S100A13: variants seen among roughly 807,000 people sequenced by gnomAD.
The protein encoded by S100A13 is S100 calcium binding protein A13.
Under a neutral mutation model 8.2 loss-of-function variants are expected in S100A13, and 6 were observed. That is an observed-to-expected ratio of 0.73 (90% CI 0.40 to 1.44). The LOEUF (loss-of-function observed/expected upper bound fraction) is 1.44. S100A13 is among the 40% of genes most tolerant of loss of function. The probability of loss-of-function intolerance (pLI) is 0.02; values close to 1 mark genes in which losing one functional copy is unlikely to be tolerated. For missense variants in S100A13, 114 were observed against 113.6 expected, an observed-to-expected ratio of 1.00 and a Z score of -0.02; for synonymous variants, 39 against 45.9, an observed-to-expected ratio of 0.85 and a Z score of 0.61.
At chr1:153,628,175 G>A (rs576937915), upstream of S100A13, 16 of 1,550,494 alleles carry the variant, frequency 1.0e-5, no homozygotes, top group South Asian at 1.5e-4. Flanking sequence ...CTTGGGGTAA[G>A]ACATCCAGTG....
At chr1:153,626,586 G>A (rs1667650673) in intron 1 of S100A13, 53 bp from the exon 2 acceptor site, 2 of 1,089,154 alleles carry the variant, frequency 1.8e-6, no homozygotes, top group African/African-American at 3.1e-5. Flanking sequence ...CCAAGATGCA[G>A]GAATGGTTCA....
chr1:153,625,416 G>A (rs560393506), intron 2 of S100A13, among the ~76,000 whole-genome samples: 4 of 152,202 alleles, frequency 2.6e-5, no homozygotes, highest in Non-Finnish European at 4.4e-5. Flanking sequence ...GGCCAGAGTC[G>A]ATGAAATTTA....
chr1:153,626,686 C>T, intron 1 of S100A13, 153 bp from the exon 2 acceptor site: 1 of 498,950 alleles, frequency 2.0e-6, no homozygotes, highest in Non-Finnish European at 3.6e-6. Context: ...GAGCTTGGGG[C>T]AGCAGACCAG....
rs1667621370 is a variant in S100A13 at position 153,626,333 on chromosome 1, G to A, written c.140C>T (p.Pro47Leu). Residue 47 changes from proline to leucine, a missense_variant, in exon 2 of 3, where the codon CCC (proline) becomes CTC (leucine). Transcript: ENST00000476133. ...EFKELVTQQLPHLLKDVGSLD... is the reference protein window; with the variant it reads ...EFKELVTQQLLHLLKDVGSLD... ...ACTTCTGCCTACCTTGAGCAGATGG[G>A]GCAACTGCTGGGTAACCAGCTCTTT... The A allele has an allele frequency of 6.2e-7, 1 of 1,613,914 alleles. No homozygotes were observed. Among genetic ancestry groups the A allele is most frequent in the South Asian group, 1.1e-5 (1 of 91,084 alleles).
At chr1:153,620,117 CCTCTA>C (rs1667140054) in intron 2 of S100A13, among the ~76,000 whole-genome samples, 1 of 151,722 alleles carries the variant, frequency 6.6e-6, no homozygotes, top group Non-Finnish European at 1.5e-5. Context: ...TGAAACCCTG[CCTCTA>C]CTAAAAATAC....
At chr1:153,632,148 G>A (rs1375065671), upstream of S100A13, 4 of 307,374 alleles carry the variant, frequency 1.3e-5, no homozygotes, top group Non-Finnish European at 2.4e-5. Context: ...AGGTCAAGGT[G>A]CATTACATCT....
At chr1:153,620,089 C>T (rs1048553473) in intron 2 of S100A13, among the ~76,000 whole-genome samples, 1 of 152,032 alleles carries the variant, frequency 6.6e-6, no homozygotes, top group Non-Finnish European at 1.5e-5. Flanking sequence ...GAGTTTGAGA[C>T]CAGCCTGGCC....
At chr1:153,628,487 C>T, upstream of S100A13, 1 of 1,550,762 alleles carries the variant, frequency 6.4e-7, no homozygotes, top group Non-Finnish European at 8.7e-7. Context: ...ACCTCAGGCC[C>T]AGGCCAACCG....
upstream of S100A13, chr1:153,628,600 C>T: frequency 6.7e-7 from 1 of 1,481,612 alleles, no homozygotes; most frequent in Middle Eastern, 2.0e-4. Flanking sequence ...CTGTGGAGCA[C>T]TGAGGATCTG....
upstream of S100A13, chr1:153,630,506 T>A: frequency 1.2e-6 from 2 of 1,613,552 alleles, no homozygotes; most frequent in Non-Finnish European, 1.7e-6. Context: ...TGGGGGTGGG[T>A]AGGTGCACTG....
chr1:153,630,632 G>A, upstream of S100A13: 1 of 1,614,240 alleles, frequency 6.2e-7, no homozygotes, highest in Non-Finnish European at 8.5e-7. Context: ...TGAAAGAGCT[G>A]CTGCAGACGG....
intron 2 of S100A13, among the ~76,000 whole-genome samples, chr1:153,625,965 C>T (rs903863440): frequency 2.6e-5 from 4 of 152,150 alleles, no homozygotes; most frequent in African/African-American, 7.2e-5. Flanking sequence ...GTCAGGAGTT[C>T]GAGACCAGCC....
chr1:153,629,247 A>G (rs991528709), upstream of S100A13: 1 of 152,148 alleles, frequency 6.6e-6, no homozygotes, highest in African/African-American at 2.4e-5. Context: ...GGAGCAGGTA[A>G]TCAAGCTACC....
upstream of S100A13, chr1:153,630,538 A>C (rs778763449): frequency 6.2e-7 from 1 of 1,614,204 alleles, no homozygotes; most frequent in Non-Finnish European, 8.5e-7. Flanking sequence ...TCTGAGCTGG[A>C]GACGGCGATG....
upstream of S100A13, among the ~76,000 whole-genome samples, chr1:153,633,541 G>A (rs756434935): frequency 6.6e-6 from 1 of 152,174 alleles, no homozygotes; most frequent in African/African-American, 2.4e-5. Flanking sequence ...AGGAAAACAT[G>A]GACGGGCGGT....
intron 2 of S100A13, among the ~76,000 whole-genome samples, chr1:153,620,775 G>A (rs904344266): frequency 3.9e-5 from 6 of 152,026 alleles, no homozygotes; most frequent in Non-Finnish European, 5.9e-5. Flanking sequence ...TTTATATAAG[G>A]GATTTGAGGC....
upstream of S100A13, chr1:153,628,686 T>C (rs1667821172): frequency 3.1e-6 from 3 of 980,936 alleles, no homozygotes; most frequent in Non-Finnish European, 2.9e-6. Flanking sequence ...GAGAGACAAA[T>C]GAACTGAAGG....
intron 2 of S100A13, among the ~76,000 whole-genome samples, chr1:153,623,941 A>T (rs531460991): frequency 3.3e-5 from 5 of 152,336 alleles, no homozygotes; most frequent in Admixed American, 2.6e-4. Flanking sequence ...ACAGAGAGAG[A>T]CAGAATCAAC....
upstream of S100A13, chr1:153,631,217 G>A: frequency 2.0e-6 from 1 of 498,840 alleles, no homozygotes; most frequent in Non-Finnish European, 3.6e-6. Context: ...GCTAACCAGG[G>A]CCCCAAAGTA....
Sources: allele counts gnomAD v4.1 joint callset (sites outside exome capture counted in the v4.1 genomes callset), GRCh38; gene constraint gnomAD v4.1.1; transcripts MANE v1.5; gene names NCBI Gene and HGNC (gene_info 2026-07-23, HGNC 2026-07-21).